The following ZFR variants were observed in gnomAD, a reference collection of about 807,000 sequenced individuals.
ZFR encodes zinc finger RNA-binding protein.
Under a neutral mutation model 130.7 loss-of-function variants are expected in ZFR, and 19 were observed. That is an observed-to-expected ratio of 0.15 (90% CI 0.10 to 0.21). ZFR has a LOEUF of 0.21. Ranked by LOEUF, ZFR falls within the 10% of genes least tolerant of loss-of-function variation. The pLI, the probability that ZFR is intolerant of heterozygous loss-of-function variation, is 1.00. For missense variants in ZFR, 872 were observed against 1,321.5 expected (o/e 0.66, Z 5.27); for synonymous variants, 466 against 456.9 (o/e 1.02, Z -0.25).
At chr5:32,369,218 G>A (rs1271060756) in intron 17 of ZFR, among the ~76,000 whole-genome samples, 1 of 152,036 alleles carries the variant, frequency 6.6e-6, no homozygotes, top group African/African-American at 2.4e-5. Context: ...TTTGTAAGCT[G>A]AGACTGTTTG....
intron 11 of ZFR, among the ~76,000 whole-genome samples, chr5:32,394,627 A>G (rs1753257376): frequency 6.6e-6 from 1 of 152,164 alleles, no homozygotes; most frequent in South Asian, 2.1e-4. Context: ...GAGGGTGATG[A>G]ACTGTTCTAA....
chr5:32,369,549 T>C (rs566188768), intron 17 of ZFR, among the ~76,000 whole-genome samples: 36 of 152,048 alleles, frequency 2.4e-4, no homozygotes, highest in African/African-American at 8.7e-4. Flanking sequence ...CTCACGCCTA[T>C]AATCCCAGCA....
intron 17 of ZFR, among the ~76,000 whole-genome samples, chr5:32,365,736 T>C (rs1752527162): frequency 6.6e-6 from 1 of 151,360 alleles, no homozygotes; most frequent in African/African-American, 2.4e-5. Flanking sequence ...CGTGCCGCTG[T>C]ACGACTGGGA....
At chr5:32,399,751 GA>G (rs1753402339) in intron 9 of ZFR, among the ~76,000 whole-genome samples, 1 of 152,042 alleles carries the variant, frequency 6.6e-6, no homozygotes, top group East Asian at 1.9e-4. Flanking sequence ...CTAGTAAATA[GA>G]AAGTTACTTT....
chr5:32,369,515 C>A (rs552244589), intron 17 of ZFR, among the ~76,000 whole-genome samples: 100 of 151,518 alleles, frequency 6.6e-4, no homozygotes, highest in African/African-American at 2.4e-3. Flanking sequence ...CAAAACAAAA[C>A]AAAAAACTGG....
At chr5:32,369,726 C>T (rs1178026099) in intron 17 of ZFR, among the ~76,000 whole-genome samples, 1 of 152,002 alleles carries the variant, frequency 6.6e-6, no homozygotes, top group South Asian at 2.1e-4. Context: ...TTAGGAGAAT[C>T]GCTTAAGCCT....
Position 32,400,132 on chromosome 5 carries a change from G to A in ZFR, c.1588C>T (p.Pro530Ser), listed in dbSNP as rs1561892287. The A allele has an allele frequency of 6.2e-7, 1 of 1,613,314 alleles. No homozygotes were observed. Among genetic ancestry groups the A allele is most frequent in the Non-Finnish European group, 8.5e-7 (1 of 1,179,498 alleles). The change falls in exon 9 of 20, where the codon CCT (proline) becomes TCT (serine). Residue 530 changes from proline (P) to serine (S), a missense_variant. By Grantham distance (74) the Pro-to-Ser change is moderately conservative. Coordinates refer to ENST00000265069, the MANE Select transcript of ZFR (RefSeq NM_016107.5). The stretch of plus-strand genomic sequence containing the variant: ...GGAATCTGCACAGCAGAAGTGACAG[G>A]AGTACTTTTAACACATTCGGTTCCT... The part of the protein sequence containing the change: ...IKGTECVKST[P>S]VTSAVQIPEV...
In ZFR at chr5:32,382,930, C is replaced by CA. The variant is rs201355601; in HGVS notation, c.2641+2577dup. Among the ~76,000 whole-genome samples the CA allele has an allele frequency of 3.2e-4, 48 of 149,388 alleles. No individual in the cohort carries two copies. In the East Asian group the frequency reaches 4.1e-3, roughly 13 times the overall value. On this transcript the variant is annotated intron_variant, in intron 15 of 19. Coordinates refer to ENST00000265069, the MANE Select transcript of ZFR (RefSeq NM_016107.5). ...GTTGCCTAACACCCAGTTAACAAAG[C>CA]AAAAAAAAATCAGTTAATTTATAAA...
chr5:32,428,641 G>A (rs879834463), intron 2 of ZFR, among the ~76,000 whole-genome samples: 26 of 152,188 alleles, frequency 1.7e-4, no homozygotes, highest in Admixed American at 1.7e-3. Flanking sequence ...TACCTTTTAT[G>A]AGGCAGTAAC....
intron 4 of ZFR, among the ~76,000 whole-genome samples, 186 bp from the exon 5 acceptor site, chr5:32,415,373 T>G (rs1053806570): frequency 6.6e-6 from 1 of 152,112 alleles, no homozygotes; most frequent in Non-Finnish European, 1.5e-5. Context: ...TACAAATAAA[T>G]ATACTATCTT....
At chr5:32,412,867 T>C (rs1170898156) in intron 5 of ZFR, among the ~76,000 whole-genome samples, 1 of 152,120 alleles carries the variant, frequency 6.6e-6, no homozygotes, top group Admixed American at 6.5e-5. Flanking sequence ...CTTGGAACTA[T>C]TTTTTTCCAC....
chr5:32,438,253 A>ATTTTTTTTTTTTTTTTTTTTTTTTT lies in ZFR; in HGVS notation c.137+5951_137+5975dup, dbSNP rs869249272. Among the ~76,000 whole-genome samples, 11 of 61,046 alleles carry ATTTTTTTTTTTTTTTTTTTTTTTTT rather than the reference A, an allele frequency of 1.8e-4. 2 individuals are homozygous for ATTTTTTTTTTTTTTTTTTTTTTTTT. Among genetic ancestry groups the ATTTTTTTTTTTTTTTTTTTTTTTTT allele is most frequent in the African/African-American group, 5.7e-4 (8 of 13,932 alleles). The allele number at this position is 61,046 out of a possible 152,430, so 40.0% of individuals were successfully genotyped here. The stretch of plus-strand genomic sequence containing the variant: ...AGAATGCTACTGATTTTATCTGAAA[A>ATTTTTTTTTTTTTTTTTTTTTTTTT]TTTTTTTTTTTTTTTTTTTTTTTTT... On this transcript the variant is annotated intron_variant, in intron 2 of 19. Coordinates refer to ENST00000265069, the MANE Select transcript of ZFR (RefSeq NM_016107.5).
At chr5:32,395,362 TTTTA>T in intron 10 of ZFR, 58 bp from the exon 11 acceptor site, 1 of 1,311,510 alleles carries the variant, frequency 7.6e-7, no homozygotes. Flanking sequence ...CTACATGTAT[TTTTA>T]ATCATACAAT....
At chr5:32,416,914 CTTTT>C (rs57923621) in intron 4 of ZFR, among the ~76,000 whole-genome samples, 4 of 146,344 alleles carry the variant, frequency 2.7e-5, no homozygotes, top group Middle Eastern at 3.5e-3. Flanking sequence ...CATTTTTTTT[CTTTT>C]TTTTTTTATT....
intron 2 of ZFR, among the ~76,000 whole-genome samples, chr5:32,426,747 C>T: frequency 6.6e-6 from 1 of 152,096 alleles, no homozygotes; most frequent in Non-Finnish European, 1.5e-5. Context: ...AATAAAACTA[C>T]AATAAATTAG....
chr5:32,409,954 C>T (rs1033112242), intron 5 of ZFR, among the ~76,000 whole-genome samples: 32 of 151,844 alleles, frequency 2.1e-4, no homozygotes, highest in African/African-American at 7.7e-4. Flanking sequence ...GCCTGGGTGA[C>T]AGAATGAGAC....
chr5:32,374,594 T>G (rs1752754521), intron 17 of ZFR, among the ~76,000 whole-genome samples: 1 of 152,104 alleles, frequency 6.6e-6, no homozygotes, highest in Non-Finnish European at 1.5e-5. Flanking sequence ...ATTAAGAATC[T>G]AATAAATTCC....
At chr5:32,438,647 C>T (rs1414394609) in intron 2 of ZFR, among the ~76,000 whole-genome samples, 5 of 152,138 alleles carry the variant, frequency 3.3e-5, no homozygotes, top group Non-Finnish European at 7.3e-5. Context: ...ATCATGTTAC[C>T]TGTAAATAGA....
chr5:32,417,509 A>G, intron 4 of ZFR, 139 bp downstream of exon 4: 1 of 964,798 alleles, frequency 1.0e-6, no homozygotes, highest in African/African-American at 1.6e-5. Flanking sequence ...CAAGGCATTT[A>G]GTAGGACAGG....
Sources: gnomAD v4.1 joint callset for allele counts (sites outside exome capture counted in the v4.1 genomes callset) on GRCh38, gnomAD v4.1.1 for gene constraint, MANE v1.5 for transcripts, NCBI Gene and HGNC (gene_info 2026-07-23, HGNC 2026-07-21) for gene names.